Variants in OPCML observed in about 807,000 individuals in gnomAD.
OPCML encodes the protein opioid binding protein/cell adhesion molecule like, also known as opioid-binding protein/cell adhesion molecule.
OPCML carries 13 observed loss-of-function variants against 37.8 expected under a neutral mutation model. That is an observed-to-expected ratio of 0.34 (90% CI 0.22 to 0.55). The LOEUF (loss-of-function observed/expected upper bound fraction) is 0.55. OPCML is among the 20% of genes least tolerant of loss of function. OPCML has a pLI of 0.91. For missense variants in OPCML, 341 were observed against 435.6 expected, an observed-to-expected ratio of 0.78 and a Z score of 1.93; for synonymous variants, 176 against 168.8, an observed-to-expected ratio of 1.04 and a Z score of -0.33.
chr11:132,834,489 C>A (rs1220923578), intron 2 of OPCML, among the ~76,000 whole-genome samples: 1 of 152,186 alleles, frequency 6.6e-6, no homozygotes, highest in Non-Finnish European at 1.5e-5. Context: ...GGCCATGCCC[C>A]TCTGAAGCCT....
chr11:133,374,421 A>G (rs955833977), intron 1 of OPCML, among the ~76,000 whole-genome samples: 8 of 152,208 alleles, frequency 5.3e-5, no homozygotes, highest in African/African-American at 9.6e-5. Context: ...TGTGATGATC[A>G]TATATAACTT....
chr11:133,036,654 G>T (rs965532870), intron 1 of OPCML, among the ~76,000 whole-genome samples: 1 of 152,234 alleles, frequency 6.6e-6, no homozygotes, highest in Admixed American at 6.5e-5. Context: ...ATATGAAGCT[G>T]AGAAAAATAG....
At chr11:133,382,756 C>G (rs76310234) in intron 1 of OPCML, among the ~76,000 whole-genome samples, 1 of 152,140 alleles carries the variant, frequency 6.6e-6, no homozygotes, top group Non-Finnish European at 1.5e-5. Context: ...TCCCACCGAT[C>G]GATGTTCTGT....
intron 2 of OPCML, among the ~76,000 whole-genome samples, chr11:132,811,281 T>G (rs550737717): frequency 6.6e-6 from 1 of 152,226 alleles, no homozygotes; most frequent in Non-Finnish European, 1.5e-5. Flanking sequence ...CGATTATTAT[T>G]AAATCCCTCT....
intron 1 of OPCML, among the ~76,000 whole-genome samples, chr11:133,492,621 C>A (rs575677702): frequency 2.0e-5 from 3 of 148,164 alleles, no homozygotes; most frequent in African/African-American, 5.0e-5. Context: ...AAGTTGGAGA[C>A]AATGATGCCC....
chr11:132,509,552 C>T (rs1015537991), intron 4 of OPCML, among the ~76,000 whole-genome samples: 1 of 152,162 alleles, frequency 6.6e-6, no homozygotes, highest in Admixed American at 6.5e-5. Flanking sequence ...GTATTGTGTG[C>T]AGCCTAGGGA....
intron 1 of OPCML, among the ~76,000 whole-genome samples, chr11:133,233,105 C>A (rs1940349062): frequency 6.6e-6 from 1 of 152,158 alleles, no homozygotes. Context: ...GGACATGTAG[C>A]AGCTAAGCTT....
chr11:132,852,725 A>T (rs1226552513), intron 2 of OPCML, among the ~76,000 whole-genome samples: 1 of 152,032 alleles, frequency 6.6e-6, no homozygotes, highest in African/African-American at 2.4e-5. Context: ...GTATATCTTG[A>T]CTCCTGAGTA....
chr11:132,949,962 G>T (rs897779186), intron 1 of OPCML, among the ~76,000 whole-genome samples: 1 of 152,144 alleles, frequency 6.6e-6, no homozygotes, highest in Non-Finnish European at 1.5e-5. Context: ...TCTGAAGAGG[G>T]AGCATTTGAC....
intron 1 of OPCML, among the ~76,000 whole-genome samples, chr11:133,478,428 G>T (rs1273709334): frequency 6.6e-6 from 1 of 152,138 alleles, no homozygotes; most frequent in Non-Finnish European, 1.5e-5. Context: ...GAGAGAACAG[G>T]GACCATCTGT....
intron 1 of OPCML, among the ~76,000 whole-genome samples, chr11:133,469,955 T>C (rs1426986390): frequency 1.3e-5 from 2 of 152,250 alleles, no homozygotes; most frequent in Non-Finnish European, 2.9e-5. Flanking sequence ...ATTAAAATCC[T>C]TACAGTCTCT....
At chr11:132,725,544 C>A (rs1157809681) in intron 2 of OPCML, among the ~76,000 whole-genome samples, 2 of 152,156 alleles carry the variant, frequency 1.3e-5, no homozygotes, top group Non-Finnish European at 2.9e-5. Flanking sequence ...GTTACTTATG[C>A]AAATTTCTGC....
At chr11:133,036,131 A>T (rs1331778448) in intron 1 of OPCML, among the ~76,000 whole-genome samples, 1 of 152,208 alleles carries the variant, frequency 6.6e-6, no homozygotes, top group Non-Finnish European at 1.5e-5. Context: ...TTAAAATGTC[A>T]AAGTGAAATA....
intron 1 of OPCML, among the ~76,000 whole-genome samples, chr11:133,216,820 A>G (rs1939603217): frequency 1.3e-5 from 2 of 152,158 alleles, no homozygotes; most frequent in South Asian, 4.1e-4. Flanking sequence ...AAGCCTTTTT[A>G]TTGGGGCATA....
chr11:133,275,206 T>C (rs1941958511), intron 1 of OPCML, among the ~76,000 whole-genome samples: 1 of 152,088 alleles, frequency 6.6e-6, no homozygotes, highest in Non-Finnish European at 1.5e-5. Flanking sequence ...CCTTTTTTTC[T>C]CAAAAAAATA....
chr11:132,452,808 A>G (rs1468642418), intron 4 of OPCML, among the ~76,000 whole-genome samples: 2 of 152,172 alleles, frequency 1.3e-5, no homozygotes, highest in Non-Finnish European at 2.9e-5. Context: ...AATATGACTC[A>G]GATTGAATTT....
At position 133,027,653 on chromosome 11, in the gene OPCML, T is replaced by A. The variant is rs1019948607; in HGVS notation, c.62-84643A>T. 6.2e-5 allele frequency among the ~76,000 whole-genome samples: 9 copies of A among 145,300 alleles called. No homozygotes were observed. In the South Asian group the frequency reaches 2.1e-3, roughly 33 times the overall value. ...TGGTGTGTGTGTATAATGTGATGCA[T>A]GTGTGGGGCGTGTGGTGTGCATGGG... is the stretch of plus-strand genomic sequence containing the variant. On this transcript the variant is annotated intron_variant, in intron 1 of 7. Coordinates refer to ENST00000524381, the MANE Select transcript of OPCML (RefSeq NM_001012393.5).
intron 1 of OPCML, among the ~76,000 whole-genome samples, chr11:133,245,409 G>C (rs1355156779): frequency 6.6e-6 from 1 of 152,130 alleles, no homozygotes; most frequent in Non-Finnish European, 1.5e-5. Context: ...AAACCAACTG[G>C]CAGTTCAAGG....
chr11:132,794,753 G>C (rs558978535), intron 2 of OPCML, among the ~76,000 whole-genome samples: 1 of 152,214 alleles, frequency 6.6e-6, no homozygotes, highest in East Asian at 1.9e-4. Flanking sequence ...CTTTCTAAGA[G>C]TAAATAACTA....
Sources: gnomAD v4.1 joint callset for allele counts (sites outside exome capture counted in the v4.1 genomes callset) on GRCh38, gnomAD v4.1.1 for gene constraint, MANE v1.5 for transcripts, NCBI Gene and HGNC (gene_info 2026-07-23, HGNC 2026-07-21) for gene names.